GRID1: variants seen among roughly 807,000 people sequenced by gnomAD.
GRID1 encodes the protein glutamate receptor ionotropic, delta-1.
A neutral mutation model predicts 98.0 loss-of-function variants in GRID1; 28 were observed. The ratio of observed to expected loss-of-function variants is 0.29; its 90% CI spans 0.21 to 0.39. The LOEUF (loss-of-function observed/expected upper bound fraction) is 0.39. GRID1 is among the 10% of genes least tolerant of loss of function. The pLI is 1.00. For synonymous variants in GRID1, 553 were observed against 538.5 expected, an observed-to-expected ratio of 1.03 and a Z score of -0.37; for missense variants, 1,111 against 1,340.5, an observed-to-expected ratio of 0.83 and a Z score of 2.67.
chr10:86,011,725 G>A (rs1364735503), intron 4 of GRID1, among the ~76,000 whole-genome samples: 2 of 152,198 alleles, frequency 1.3e-5, no homozygotes, highest in Admixed American at 6.5e-5. Flanking sequence ...ACAAGCAGCT[G>A]AGAGTGGTTC....
chr10:85,672,507 C>T (rs1841097956), intron 12 of GRID1, among the ~76,000 whole-genome samples: 1 of 152,136 alleles, frequency 6.6e-6, no homozygotes, highest in African/African-American at 2.4e-5. Flanking sequence ...TGGGTTTCAC[C>T]ATGTTGGTCA....
chr10:85,713,530 A>G (rs995580798), intron 12 of GRID1, among the ~76,000 whole-genome samples: 5 of 151,792 alleles, frequency 3.3e-5, no homozygotes, highest in African/African-American at 1.2e-4. Context: ...AAAGCCTGAC[A>G]AGGAATCTTC....
At chr10:86,228,339 G>A (rs906515358) in intron 2 of GRID1, among the ~76,000 whole-genome samples, 9 of 151,330 alleles carry the variant, frequency 5.9e-5, no homozygotes, top group Admixed American at 6.6e-5. Context: ...GAGAGGAAAC[G>A]TAGACAATCA....
chr10:85,905,941 C>G (rs908427769), intron 5 of GRID1, among the ~76,000 whole-genome samples: 8 of 151,974 alleles, frequency 5.3e-5, no homozygotes, highest in African/African-American at 1.9e-4. Context: ...TAAAATTCCT[C>G]AATTAAAAGG....
chr10:86,126,432 G>A (rs1844754781), intron 4 of GRID1, among the ~76,000 whole-genome samples: 1 of 152,158 alleles, frequency 6.6e-6, no homozygotes, highest in Admixed American at 6.5e-5. Context: ...TCCAGCCTGG[G>A]CGACAGAGTG....
intron 12 of GRID1, among the ~76,000 whole-genome samples, chr10:85,687,795 A>G (rs1049052598): frequency 2.0e-5 from 3 of 152,208 alleles, no homozygotes; most frequent in African/African-American, 7.2e-5. Flanking sequence ...GCAGGCTTTC[A>G]CCTGGAGGAA....
At chr10:86,122,060 G>A (rs925323439) in intron 4 of GRID1, among the ~76,000 whole-genome samples, 2 of 152,204 alleles carry the variant, frequency 1.3e-5, no homozygotes, top group African/African-American at 4.8e-5. Flanking sequence ...TGTGGACAGA[G>A]TGACAGACCT....
intron 8 of GRID1, among the ~76,000 whole-genome samples, chr10:85,803,588 C>A (rs1186467094): frequency 1.3e-4 from 19 of 151,192 alleles, no homozygotes; most frequent in Admixed American, 1.2e-3. Flanking sequence ...AAATTAATAA[C>A]AAAAGCATTT....
At chr10:86,128,175 T>C (rs1026139361) in intron 4 of GRID1, among the ~76,000 whole-genome samples, 3 of 116,722 alleles carry the variant, frequency 2.6e-5, no homozygotes, top group Non-Finnish European at 4.8e-5. Flanking sequence ...AGGTTTCCTC[T>C]GTGAGAGGAG....
At chr10:85,709,642 T>C (rs897081407) in intron 12 of GRID1, among the ~76,000 whole-genome samples, 1 of 152,186 alleles carries the variant, frequency 6.6e-6, no homozygotes, top group Non-Finnish European at 1.5e-5. Flanking sequence ...TTTTAGCCCA[T>C]GGAGCTCATA....
chr10:85,648,156 G>A (rs1843221710), intron 12 of GRID1: 1 of 152,200 alleles, frequency 6.6e-6, no homozygotes. Context: ...CTCCTTAGAG[G>A]AGTGGCAGGT....
intron 4 of GRID1, among the ~76,000 whole-genome samples, chr10:86,029,185 C>A (rs943873044): frequency 6.6e-6 from 1 of 152,322 alleles, no homozygotes; most frequent in East Asian, 1.9e-4. Flanking sequence ...CACTTCCCCC[C>A]AAAACCCACT....
chr10:85,975,684 A>G (rs1412437583), intron 4 of GRID1, among the ~76,000 whole-genome samples: 2 of 152,070 alleles, frequency 1.3e-5, no homozygotes, highest in Non-Finnish European at 2.9e-5. Flanking sequence ...GTCCAGGCCT[A>G]TGGTCAAGGG....
chr10:86,364,913 T>C (rs764126639), intron 1 of GRID1, among the ~76,000 whole-genome samples: 30 of 152,150 alleles, frequency 2.0e-4, no homozygotes, highest in Non-Finnish European at 4.0e-4. Context: ...TAGCACAGCT[T>C]CCACGGACCC....
chr10:85,717,162 T>C (rs1011117205), intron 12 of GRID1, among the ~76,000 whole-genome samples: 1 of 152,226 alleles, frequency 6.6e-6, no homozygotes, highest in East Asian at 1.9e-4. Context: ...AACAGATATG[T>C]TACTTAGCTT....
Position 86,200,811 on chromosome 10 carries a change from C to T in GRID1, c.520+5553G>A, listed in dbSNP as rs116113659. ...CACAAAAAAGAAAATAAAAATAGCC[C>T]ATAAAGATGTGAAAAGATACCCAAC... is the stretch of plus-strand genomic sequence containing the variant. On this transcript the variant is annotated intron_variant, in intron 3 of 15. Transcript: ENST00000327946. Among the ~76,000 whole-genome samples, 701 of 152,116 alleles carry T rather than the reference C, an allele frequency of 4.6e-3. 6 individuals carry two copies. Among genetic ancestry groups the T allele is most frequent in the African/African-American group, 0.016 (673 of 41,496 alleles).
intron 2 of GRID1, among the ~76,000 whole-genome samples, chr10:86,336,779 T>C (rs552966627): frequency 2.0e-5 from 3 of 152,070 alleles, no homozygotes; most frequent in African/African-American, 7.2e-5. Flanking sequence ...TTATTTCATG[T>C]AAGCGTCGCC....
chr10:86,079,340 G>C (rs1460834006), intron 4 of GRID1, among the ~76,000 whole-genome samples: 1 of 152,184 alleles, frequency 6.6e-6, no homozygotes, highest in East Asian at 1.9e-4. Flanking sequence ...CCTGATAAAG[G>C]CTGAATGTTC....
At chr10:85,874,427 T>C (rs1843307853) in intron 5 of GRID1, among the ~76,000 whole-genome samples, 1 of 152,226 alleles carries the variant, frequency 6.6e-6, no homozygotes, top group Admixed American at 6.5e-5. Context: ...TGGAGCATTG[T>C]TAAATTTTAT....
Sources: allele counts gnomAD v4.1 joint callset (sites outside exome capture counted in the v4.1 genomes callset), GRCh38; gene constraint gnomAD v4.1.1; transcripts MANE v1.5; gene names NCBI Gene and HGNC (gene_info 2026-07-23, HGNC 2026-07-21).